Variants in PRDM2 observed in about 807,000 individuals in gnomAD.
PRDM2 encodes PR/SET domain 2.
In PRDM2, 30 loss-of-function variants were observed where a neutral mutation model predicts 130.0. That is an observed-to-expected ratio of 0.23 (90% confidence interval 0.17 to 0.31). The LOEUF (loss-of-function observed/expected upper bound fraction) is 0.31, where lower values mean the gene tolerates loss of function less well. Among genes scored for constraint, PRDM2 ranks in the 10% least tolerant of loss-of-function variants. The pLI, the probability that PRDM2 is intolerant of heterozygous loss-of-function variation, is 1.00. For missense variants in PRDM2, 2,011 were observed against 2,108.4 expected (o/e 0.95, Z 0.90); for synonymous variants, 871 against 782.4 (o/e 1.11, Z -1.89).
intron 8 of PRDM2, among the ~76,000 whole-genome samples, chr1:13,796,280 C>G (rs796787975): frequency 2.0e-5 from 3 of 152,278 alleles, no homozygotes; most frequent in African/African-American, 7.2e-5. Flanking sequence ...GTCTGTACTT[C>G]CTGGCATCCT....
At chr1:13,716,464 A>T (rs1642544212) in intron 2 of PRDM2, among the ~76,000 whole-genome samples, 1 of 152,218 alleles carries the variant, frequency 6.6e-6, no homozygotes, top group Non-Finnish European at 1.5e-5. Flanking sequence ...AAAAAAATAA[A>T]AAAAAGAGAG....
At chr1:13,755,616 A>G (rs1011164174) in intron 6 of PRDM2, among the ~76,000 whole-genome samples, 1 of 152,108 alleles carries the variant, frequency 6.6e-6, no homozygotes. Context: ...TATGAACACT[A>G]GGTTATTTTT....
At chr1:13,732,465 CTG>C (rs960379357) in intron 3 of PRDM2, among the ~76,000 whole-genome samples, 3 of 152,080 alleles carry the variant, frequency 2.0e-5, no homozygotes, top group Admixed American at 2.0e-4. Context: ...GTTGTTGTGA[CTG>C]TGTTATTCAA....
At chr1:13,721,210 A>T (rs1642717509) in intron 2 of PRDM2, among the ~76,000 whole-genome samples, 3 of 152,048 alleles carry the variant, frequency 2.0e-5, no homozygotes, top group Non-Finnish European at 4.4e-5. Flanking sequence ...TCTTTACGGG[A>T]GCTGTTTTAT....
chr1:13,712,434 C>G (rs1196459513), intron 1 of PRDM2, among the ~76,000 whole-genome samples: 1 of 152,202 alleles, frequency 6.6e-6, no homozygotes, highest in East Asian at 1.9e-4. Flanking sequence ...AAGGCAGCAT[C>G]TCAGAAAACA....
rs147686518 is a variant in PRDM2 at position 13,797,843 on chromosome 1, G to A, written c.5036+15012G>A. Among the ~76,000 whole-genome samples the A allele has an allele frequency of 6.4e-3, 969 of 151,972 alleles. 6 individuals carry two copies. Among genetic ancestry groups the A allele is most frequent in the Non-Finnish European group, 1.0e-2 (678 of 67,968 alleles). ...CATGAGTCTTACCCAGACTTCAGAG[G>A]GCTTTTAAAGTATTATTACTTTTTT... On this transcript the variant is annotated intron_variant, in intron 8 of 9. Coordinates refer to ENST00000311066, the MANE Select transcript of PRDM2 (RefSeq NM_001393986.1).
In PRDM2 at chr1:13,780,533, C is replaced by T; in HGVS notation, c.2738C>T (p.Pro913Leu). Residue 913 changes from proline to leucine, a missense_variant, in exon 8 of 10, where the codon CCA becomes CTA. By Grantham distance (98) the Pro-to-Leu change is moderately conservative (BLOSUM62 -3). Transcript: ENST00000311066. ...AACCCTGCAGATGGGACCAGGAGCC[C>T]AAGTCCTTGTAAATCCCTAGAAGCT... ...VENPADGTRS[P>L]SPCKSLEAQP... 6.2e-7 allele frequency: 1 copy of T among 1,614,192 alleles called. No homozygotes were observed. Among genetic ancestry groups the T allele is most frequent in the Non-Finnish European group, 8.5e-7 (1 of 1,180,044 alleles).
chr1:13,779,943 T>C lies in PRDM2; in HGVS notation c.2148T>C (p.Pro716=). Residue 716 remains proline (P), a synonymous_variant, in exon 8 of 10, where the codon CCT becomes CCC. Coordinates refer to ENST00000311066, the MANE Select transcript of PRDM2 (RefSeq NM_001393986.1). The surrounding 1 kb of genome is among the most constrained non-coding windows in gnomAD (Gnocchi z 4.9). The part of the protein sequence containing the change: ...ISATEIAKLG[P]VCVSAPASML... The stretch of plus-strand genomic sequence containing the variant: ...CAACTGAAATAGCTAAATTAGGTCC[T>C]GTTTGTGTGTCTGCTCCTGCATCAA... The C allele has an allele frequency of 1.2e-6, 2 of 1,614,250 alleles. No homozygotes were observed. The highest frequency in any genetic ancestry group is 1.7e-5 in the Admixed American group (1 of 60,034).
intron 1 of PRDM2, among the ~76,000 whole-genome samples, chr1:13,701,806 C>T (rs1642081880): frequency 6.6e-6 from 1 of 152,190 alleles, no homozygotes; most frequent in African/African-American, 2.4e-5. Context: ...TAAGTTAATA[C>T]ATTTTAAGTG....
chr1:13,706,928 A>G (rs1642228095), intron 1 of PRDM2, among the ~76,000 whole-genome samples: 1 of 152,010 alleles, frequency 6.6e-6, no homozygotes, highest in Non-Finnish European at 1.5e-5. Flanking sequence ...TAAATCCCAA[A>G]TCTCAAATTA....
chr1:13,815,095 A>ATGTT (rs775616974), intron 8 of PRDM2, among the ~76,000 whole-genome samples: 3 of 151,984 alleles, frequency 2.0e-5, no homozygotes, highest in Non-Finnish European at 4.4e-5. Context: ...TACTCAGTGG[A>ATGTT]TGTTTGTTTG....
chr1:13,816,217 TGGTG>T (rs1474291846), intron 8 of PRDM2, among the ~76,000 whole-genome samples: 2 of 152,018 alleles, frequency 1.3e-5, no homozygotes, highest in African/African-American at 4.8e-5. Context: ...GGGAGAGAAT[TGGTG>T]GATGGGACAT....
chr1:13,720,536 A>G (rs950638758), intron 2 of PRDM2, among the ~76,000 whole-genome samples: 1 of 152,196 alleles, frequency 6.6e-6, no homozygotes, highest in African/African-American at 2.4e-5. Context: ...GGGCTGTTAG[A>G]GTTGAGTTAA....
rs957223700 is a variant in PRDM2, at chr1:13,781,462, G to A, written c.3667G>A (p.Glu1223Lys). 2.5e-6 allele frequency: 4 copies of A among 1,613,710 alleles called. No individual in the cohort carries two copies. The highest frequency in any genetic ancestry group is 2.2e-5 in the East Asian group (1 of 44,886). ...CCCAGATAAGGTGTGCACACATCAC[G>A]AGTTTGAAAGCGGGACTCTGAGGCC... The part of the protein sequence containing the change: ...LHPDKVCTHH[E>K]FESGTLRPQN... The change falls in exon 8 of 10, where the codon GAG becomes AAG. Residue 1223 changes from glutamate (E) to lysine (K), a missense_variant. Coordinates refer to ENST00000311066, the MANE Select transcript of PRDM2 (RefSeq NM_001393986.1). The surrounding 1 kb of genome is among the most constrained non-coding windows in gnomAD (Gnocchi z 6.1).
chr1:13,775,886 C>G (rs919381394), intron 7 of PRDM2, among the ~76,000 whole-genome samples: 2 of 152,178 alleles, frequency 1.3e-5, no homozygotes, highest in Non-Finnish European at 1.5e-5. Flanking sequence ...CACCCTGCAG[C>G]CGAATCTCCC....
chr1:13,790,804 C>G (rs1000574100), intron 8 of PRDM2, among the ~76,000 whole-genome samples: 1 of 152,182 alleles, frequency 6.6e-6, no homozygotes, highest in Non-Finnish European at 1.5e-5. Context: ...TTGCTGCCAC[C>G]TACACAGGGT....
chr1:13,768,886 T>C (rs1389030824), intron 6 of PRDM2, among the ~76,000 whole-genome samples: 1 of 152,220 alleles, frequency 6.6e-6, no homozygotes, highest in Admixed American at 6.5e-5. Flanking sequence ...AGAATGAATA[T>C]ACTACATTGG....
chr1:13,780,866 C>T lies in PRDM2; in HGVS notation c.3071C>T (p.Ser1024Phe), dbSNP rs758717656. ...ATAQSPLPIL[S>F]PTVSPSPSPI... ...GCACAGTCCCCACTTCCAATTCTGT[C>T]CCCAACAGTGTCCCCCTCTCCCTCT... Residue 1024 changes from serine to phenylalanine, a missense_variant, in exon 8 of 10, where the codon TCC becomes TTC. Ser to Phe is a radical substitution (Grantham distance 155). Transcript: ENST00000311066. 23 of 1,611,828 alleles carry T rather than the reference C, an allele frequency of 1.4e-5. No homozygotes were observed. Among genetic ancestry groups the T allele is most frequent in the Non-Finnish European group, 1.8e-5 (21 of 1,178,574 alleles).
intron 6 of PRDM2, among the ~76,000 whole-genome samples, chr1:13,753,995 G>T (rs1172445132): frequency 1.3e-5 from 2 of 152,170 alleles, no homozygotes; most frequent in African/African-American, 4.8e-5. Context: ...AACAGATGAA[G>T]TAGGTAAACC....
Sources: allele counts gnomAD v4.1 joint callset (sites outside exome capture counted in the v4.1 genomes callset), GRCh38; gene constraint gnomAD v4.1.1; non-coding constraint Gnocchi (gnomAD v3.1); transcripts MANE v1.5; gene names NCBI Gene and HGNC (gene_info 2026-07-23, HGNC 2026-07-21).